Variants in HS6ST2 observed in about 807,000 individuals in gnomAD.
HS6ST2 encodes heparan-sulfate 6-O-sulfotransferase 2.
Under a neutral mutation model 33.0 loss-of-function variants are expected in HS6ST2, and 17 were observed. The observed-to-expected ratio is 0.52, with a 90% confidence interval of 0.35 to 0.77. The LOEUF (loss-of-function observed/expected upper bound fraction) is 0.77, where lower values mean the gene tolerates loss of function less well. HS6ST2 is among the 30% of genes least tolerant of loss of function. The pLI is 0.01. For missense variants in HS6ST2, 519 were observed against 551.7 expected (o/e 0.94, Z 0.59); for synonymous variants, 248 against 237.1 (o/e 1.05, Z -0.42).
rs1001134661 is a variant in HS6ST2 at position 132,892,636 on chromosome X, T to C, written c.947+64172A>G. ...GAGTTCGATACCAGCCTGGCCAATA[T>C]GGTGAAACCCCGTCTCTACTAAAAA... is the stretch of plus-strand genomic sequence containing the variant. On this transcript the variant is annotated intron_variant, in intron 2 of 4. Transcript: ENST00000370833. Among the ~76,000 whole-genome samples, 7 of 111,859 alleles carry C rather than the reference T, an allele frequency of 6.3e-5. No homozygotes were observed. The Admixed American group carries it at 6.7e-4, about 11-fold the overall frequency.
intron 4 of HS6ST2, among the ~76,000 whole-genome samples, chrX:132,638,322 T>A (rs2063577449): frequency 9.0e-6 from 1 of 111,109 alleles, no homozygotes; most frequent in African/African-American, 3.3e-5. Context: ...CTGGAGGTGC[T>A]GTTTTAAGTG....
intron 2 of HS6ST2, among the ~76,000 whole-genome samples, chrX:132,775,704 A>T (rs1157797503): frequency 9.0e-6 from 1 of 111,730 alleles, no homozygotes; most frequent in Non-Finnish European, 1.9e-5. Flanking sequence ...TTCACTGAAC[A>T]GAACTATGGG....
chrX:132,806,506 T>C (rs2065285158), intron 2 of HS6ST2, among the ~76,000 whole-genome samples: 1 of 110,221 alleles, frequency 9.1e-6, no homozygotes, highest in Non-Finnish European at 1.9e-5. Context: ...GAGACATGGC[T>C]AAATGTCTTA....
rs890249061 is a variant in HS6ST2, at chrX:132,819,509, A to G, written c.948-111015T>C. Among the ~76,000 whole-genome samples the G allele has an allele frequency of 2.7e-5, 3 of 111,811 alleles. No individual in the cohort carries two copies. The Admixed American group carries it at 2.8e-4, about 11-fold the overall frequency. On this transcript the variant is annotated intron_variant, in intron 2 of 4. Coordinates refer to ENST00000370833, the MANE Select transcript of HS6ST2 (RefSeq NM_001394073.1). Reference sequence around the variant, plus strand: ...TGTCCAGGCCCCATCAGTAGCACCAACTGCATGTGATGTGTACAAAAGACA... The same window carrying G: ...TGTCCAGGCCCCATCAGTAGCACCAGCTGCATGTGATGTGTACAAAAGACA...
intron 4 of HS6ST2, among the ~76,000 whole-genome samples, chrX:132,629,470 GC>G (rs2063502607): frequency 9.0e-6 from 1 of 111,128 alleles, no homozygotes; most frequent in Non-Finnish European, 1.9e-5. Context: ...TTTATTTCAT[GC>G]CCCCCACTCT....
intron 2 of HS6ST2, among the ~76,000 whole-genome samples, chrX:132,903,038 T>C (rs1602845927): frequency 9.0e-6 from 1 of 111,579 alleles, no homozygotes. Context: ...ATCTTGTATA[T>C]AGAAAATCCT....
chrX:132,923,655 G>A (rs1465345062), intron 2 of HS6ST2, among the ~76,000 whole-genome samples: 1 of 111,355 alleles, frequency 9.0e-6, no homozygotes, highest in African/African-American at 3.3e-5. Context: ...TATCAGTCCA[G>A]CATCTCCATG....
chrX:132,689,565 T>C (rs1364780103), intron 3 of HS6ST2, among the ~76,000 whole-genome samples: 2 of 111,959 alleles, frequency 1.8e-5, no homozygotes, highest in African/African-American at 3.2e-5. Flanking sequence ...TTTTAGAAAA[T>C]TGAAATATTT....
chrX:132,882,851 G>T (rs945931389), intron 2 of HS6ST2, among the ~76,000 whole-genome samples: 1 of 111,440 alleles, frequency 9.0e-6, no homozygotes, highest in African/African-American at 3.3e-5. Context: ...GTTGAATTTT[G>T]TCAAAGGCCT....
At chrX:132,835,872 C>T (rs1242184432) in intron 2 of HS6ST2, among the ~76,000 whole-genome samples, 3 of 111,527 alleles carry the variant, frequency 2.7e-5, no homozygotes, top group African/African-American at 9.8e-5. Context: ...GCTGAGATTG[C>T]GACACTGCAC....
At chrX:132,791,374 AT>A (rs1297163997) in intron 2 of HS6ST2, among the ~76,000 whole-genome samples, 1 of 111,977 alleles carries the variant, frequency 8.9e-6, no homozygotes, top group African/African-American at 3.2e-5. Flanking sequence ...TTGAATAAAT[AT>A]TTTTAGTTGA....
At chrX:132,717,771 A>C (rs181495051) in intron 2 of HS6ST2, among the ~76,000 whole-genome samples, 1 of 111,892 alleles carries the variant, frequency 8.9e-6, no homozygotes, top group Admixed American at 9.5e-5. Context: ...CTCCCGATGG[A>C]GGTGCTACTT....
At chrX:132,951,069 T>C (rs1345646481) in intron 2 of HS6ST2, among the ~76,000 whole-genome samples, 2 of 111,092 alleles carry the variant, frequency 1.8e-5, no homozygotes, top group Non-Finnish European at 3.8e-5. Flanking sequence ...CAGGAACCAG[T>C]CATGACTTCT....
intron 2 of HS6ST2, among the ~76,000 whole-genome samples, chrX:132,920,139 A>C (rs2066637166): frequency 1.8e-5 from 2 of 111,156 alleles, no homozygotes; most frequent in Non-Finnish European, 3.8e-5. Flanking sequence ...AAAAATTAAA[A>C]ATTTCTGAGA....
intron 2 of HS6ST2, among the ~76,000 whole-genome samples, chrX:132,798,755 C>G (rs1017496673): frequency 1.8e-5 from 2 of 111,858 alleles, no homozygotes; most frequent in Non-Finnish European, 3.8e-5. Context: ...GGAAAAGACT[C>G]CAGATCTGAT....
intron 2 of HS6ST2, among the ~76,000 whole-genome samples, chrX:132,922,510 C>A (rs779252319): frequency 1.8e-5 from 2 of 111,830 alleles, no homozygotes; most frequent in East Asian, 5.6e-4. Context: ...CATTTCAGGG[C>A]TCCTTTTGGC....
chrX:132,649,119 G>T (rs185718026), intron 4 of HS6ST2, among the ~76,000 whole-genome samples: 38 of 111,961 alleles, frequency 3.4e-4, no homozygotes, highest in African/African-American at 1.2e-3. Flanking sequence ...CAGGAAAAAT[G>T]AAATCTTTAT....
At chrX:132,874,921 C>T (rs1171952225) in intron 2 of HS6ST2, among the ~76,000 whole-genome samples, 2 of 111,518 alleles carry the variant, frequency 1.8e-5, no homozygotes, top group Non-Finnish European at 3.8e-5. Context: ...GGGGGGGCGG[C>T]CCATGGCAGA....
At chrX:132,835,525 C>CTG (rs1234893944) in intron 2 of HS6ST2, among the ~76,000 whole-genome samples, 1 of 112,208 alleles carries the variant, frequency 8.9e-6, no homozygotes, top group Non-Finnish European at 1.9e-5. Flanking sequence ...CAAATTGTAG[C>CTG]TGTATGAAGG....
Sources: allele counts gnomAD v4.1 joint callset (sites outside exome capture counted in the v4.1 genomes callset), GRCh38; gene constraint gnomAD v4.1.1; transcripts MANE v1.5; gene names NCBI Gene and HGNC (gene_info 2026-07-23, HGNC 2026-07-21).